Variants in KLF8 observed in about 807,000 individuals in gnomAD.
The protein encoded by KLF8 is KLF transcription factor 8, also known as Krueppel-like factor 8.
A neutral mutation model predicts 18.2 loss-of-function variants in KLF8; 10 were observed. The ratio of observed to expected loss-of-function variants is 0.55; its 90% CI spans 0.34 to 0.93. The LOEUF is 0.93. Among genes scored for constraint, KLF8 ranks in the 40% least tolerant of loss-of-function variants. The pLI, the probability that KLF8 is intolerant of heterozygous loss-of-function variation, is 0.02. For synonymous variants in KLF8, 109 were observed against 97.3 expected, an observed-to-expected ratio of 1.12 and a Z score of -0.71; for missense variants, 264 against 277.9, an observed-to-expected ratio of 0.95 and a Z score of 0.36.
At chrX:56,018,736 A>G in the KLF8 span, among the ~76,000 whole-genome samples, 2 of 111,307 alleles carry the variant, frequency 1.8e-5, no homozygotes, top group Non-Finnish European at 3.8e-5. Context: ...TTGTAGGTAA[A>G]AATTGTTAAA....
At chrX:56,037,912 T>C in the KLF8 span, among the ~76,000 whole-genome samples, 26 of 111,905 alleles carry the variant, frequency 2.3e-4, no homozygotes, top group Admixed American at 2.4e-3. Context: ...TAGTAGGTCT[T>C]ATTTATTTCT....
intron 2 of KLF8, among the ~76,000 whole-genome samples, chrX:56,264,668 T>A (rs1262117161): frequency 9.0e-6 from 1 of 111,520 alleles, no homozygotes; most frequent in African/African-American, 3.3e-5. Flanking sequence ...AGAAAATTTC[T>A]ATTAATTTTC....
At chrX:56,009,493 A>G in the KLF8 span, among the ~76,000 whole-genome samples, 38 of 112,449 alleles carry the variant, frequency 3.4e-4, no homozygotes, top group Non-Finnish European at 6.0e-4. Context: ...TAAACTCATG[A>G]AGATGAGAAA....
At chrX:55,908,258 A>G in the KLF8 span, 2 of 258,632 alleles carry the variant, frequency 7.7e-6, no homozygotes, top group South Asian at 2.6e-4. Context: ...CCACTAGCAA[A>G]CAACCTCAGC....
At chrX:56,071,260 CA>C in the KLF8 span, among the ~76,000 whole-genome samples, 2 of 111,220 alleles carry the variant, frequency 1.8e-5, no homozygotes, top group South Asian at 7.5e-4. Context: ...TATTAAAAGA[CA>C]AAAAAACTAT....
the KLF8 span, among the ~76,000 whole-genome samples, chrX:56,176,640 A>G: frequency 4.5e-5 from 5 of 110,619 alleles, no homozygotes; most frequent in African/African-American, 9.9e-5. Context: ...CTGAATTTGA[A>G]TGTTTGCCTG....
the KLF8 span, among the ~76,000 whole-genome samples, chrX:55,941,978 A>T: frequency 9.0e-6 from 1 of 111,438 alleles, no homozygotes; most frequent in East Asian, 2.8e-4. Context: ...AGGGATCTAG[A>T]ACTAGAAATA....
At chrX:56,051,568 C>A in the KLF8 span, among the ~76,000 whole-genome samples, 1 of 110,870 alleles carries the variant, frequency 9.0e-6, no homozygotes, top group Non-Finnish European at 1.9e-5. Flanking sequence ...GTTGAAAATT[C>A]TTTTCTTTAA....
At chrX:56,046,689 G>A in the KLF8 span, among the ~76,000 whole-genome samples, 1 of 110,983 alleles carries the variant, frequency 9.0e-6, no homozygotes, top group East Asian at 2.8e-4. Context: ...TTTTGTTTAA[G>A]GAGGCTAAAC....
At chrX:56,044,078 T>C in the KLF8 span, among the ~76,000 whole-genome samples, 1 of 112,297 alleles carries the variant, frequency 8.9e-6, no homozygotes, top group African/African-American at 3.2e-5. Flanking sequence ...TGCAGTTTGC[T>C]TTGAGTCTGC....
At chrX:56,177,594 C>T in the KLF8 span, among the ~76,000 whole-genome samples, 1 of 111,587 alleles carries the variant, frequency 9.0e-6, no homozygotes, top group Non-Finnish European at 1.9e-5. Flanking sequence ...AGATCTCCAG[C>T]TGTGTGCTGG....
the KLF8 span, among the ~76,000 whole-genome samples, chrX:56,075,170 G>A: frequency 3.6e-5 from 4 of 109,847 alleles, no homozygotes; most frequent in Admixed American, 9.7e-5. Flanking sequence ...TTTGTTAAAT[G>A]TATTACTATA....
At chrX:56,189,864 C>T in the KLF8 span, among the ~76,000 whole-genome samples, 3 of 61,291 alleles carry the variant, frequency 4.9e-5, no homozygotes, top group African/African-American at 7.1e-5. Context: ...ACTCTGGGGA[C>T]TGTTGTGGGG....
At chrX:56,241,410 A>G (rs2066542910) in intron 1 of KLF8, among the ~76,000 whole-genome samples, 1 of 111,084 alleles carries the variant, frequency 9.0e-6, no homozygotes, top group African/African-American at 3.3e-5. Flanking sequence ...CAAGTGATCC[A>G]CCCGCCTTGG....
At chrX:56,116,761 T>A in the KLF8 span, among the ~76,000 whole-genome samples, 2 of 107,444 alleles carry the variant, frequency 1.9e-5, no homozygotes, top group Non-Finnish European at 3.8e-5. Flanking sequence ...ACATTTAAGA[T>A]CTACCCTCTT....
the KLF8 span, among the ~76,000 whole-genome samples, chrX:56,081,314 A>T: frequency 4.5e-5 from 5 of 111,637 alleles, no homozygotes; most frequent in African/African-American, 6.5e-5. Flanking sequence ...TGATGTACAG[A>T]TGGGTTTTTG....
upstream of KLF8, among the ~76,000 whole-genome samples, chrX:56,231,537 C>G (rs1243985725): frequency 9.0e-6 from 1 of 111,578 alleles, no homozygotes; most frequent in East Asian, 2.8e-4. Context: ...GCTCTTCCTC[C>G]CTCTGCTTTG....
the KLF8 span, among the ~76,000 whole-genome samples, chrX:56,226,355 G>C: frequency 8.9e-6 from 1 of 111,965 alleles, no homozygotes; most frequent in Non-Finnish European, 1.9e-5. Context: ...TACTTAATAT[G>C]CTTCTTTAAA....
At chrX:56,170,382 C>A in the KLF8 span, among the ~76,000 whole-genome samples, 1 of 110,529 alleles carries the variant, frequency 9.0e-6, no homozygotes, top group African/African-American at 3.3e-5. Context: ...AGAAATGTGA[C>A]CTTTCAGAAA....
Sources: allele counts gnomAD v4.1 joint callset (sites outside exome capture counted in the v4.1 genomes callset), GRCh38; gene constraint gnomAD v4.1.1; transcripts MANE v1.5; gene names NCBI Gene and HGNC (gene_info 2026-07-23, HGNC 2026-07-21).